The following ZPBP2 variants were observed in gnomAD, a reference collection of about 807,000 sequenced individuals.
The protein encoded by ZPBP2 is zona pellucida binding protein 2.
ZPBP2 carries 34 observed loss-of-function variants against 37.5 expected under a neutral mutation model. The observed-to-expected ratio is 0.91, with a 90% confidence interval of 0.69 to 1.21. The LOEUF (loss-of-function observed/expected upper bound fraction) is 1.21. Among genes scored for constraint, ZPBP2 ranks in the 50% most tolerant of loss-of-function variants. The pLI, the probability that ZPBP2 is intolerant of heterozygous loss-of-function variation, is 0.00. For missense variants in ZPBP2, 397 were observed against 413.5 expected, an observed-to-expected ratio of 0.96 and a Z score of 0.35; for synonymous variants, 143 against 138.4, an observed-to-expected ratio of 1.03 and a Z score of -0.23.
intron 2 of ZPBP2, among the ~76,000 whole-genome samples, chr17:39,869,179 G>A (rs919034596): frequency 7.2e-5 from 11 of 152,114 alleles, no homozygotes; most frequent in Non-Finnish European, 1.5e-4. Flanking sequence ...TATGAGCCTG[G>A]CATTCAGTAG....
chr17:39,870,043 C>CT (rs1360651399), intron 2 of ZPBP2, among the ~76,000 whole-genome samples: 1 of 151,476 alleles, frequency 6.6e-6, no homozygotes, highest in Non-Finnish European at 1.5e-5. Context: ...ATGCTGAAGT[C>CT]TTTTTCTGAA....
Position 39,873,124 on chromosome 17 carries a change from C to T in ZPBP2, c.706C>T (p.Gln236Ter), listed in dbSNP as rs934646237. 1 of 1,605,330 alleles carries T rather than the reference C, an allele frequency of 6.2e-7. No individual in the cohort carries two copies. The highest frequency in any genetic ancestry group is 8.5e-7 in the Non-Finnish European group (1 of 1,176,838). ...CEDTTNHNIL[Q>*]ARDRIEDFFR... ...AGATACCACTAATCATAATATCCTC[C>T]AGGTGAGAATTTCATGGTAAGGAAG... Residue 236 changes from glutamine to a stop codon, truncating the protein, a stop_gained and splice_region_variant, in exon 6 of 8, where the codon CAG becomes TAG. Transcript: ENST00000348931. LOFTEE classifies it high-confidence loss of function.
chr17:39,870,690 A>G lies in ZPBP2; in HGVS notation c.119-4A>G, dbSNP rs781048170. On this transcript the variant is annotated splice_region_variant and splice_polypyrimidine_tract_variant and intron_variant, in intron 2 of 7. Coordinates refer to ENST00000348931, the MANE Select transcript of ZPBP2 (RefSeq NM_199321.3). ...TAGTTATACATTATTTTATTTCATC[A>G]CAGACAAAATATATGTAGAGTTACA... is the stretch of plus-strand genomic sequence containing the variant. 7.2e-7 allele frequency: 1 copy of G among 1,391,230 alleles called. No individual in the cohort carries two copies. The highest frequency in any genetic ancestry group is 1.7e-5 in the South Asian group (1 of 59,738). 86.2% of individuals were successfully genotyped at this position (1,391,230 alleles called of 1,614,324 possible).
At chr17:39,870,055 T>C (rs1274104713) in intron 2 of ZPBP2, among the ~76,000 whole-genome samples, 1 of 151,706 alleles carries the variant, frequency 6.6e-6, no homozygotes, top group African/African-American at 2.4e-5. Context: ...TTTTCTGAAC[T>C]TTCTTTGAGA....
intron 7 of ZPBP2, 49 bp downstream of exon 7, chr17:39,875,483 G>C: frequency 7.5e-7 from 1 of 1,340,938 alleles, no homozygotes; most frequent in Non-Finnish European, 9.9e-7. Flanking sequence ...AGAGTCAGAA[G>C]AATATATAAG....
At chr17:39,875,478 CAGA>C in intron 7 of ZPBP2, 44 bp downstream of exon 7, 1 of 1,403,608 alleles carries the variant, frequency 7.1e-7, no homozygotes, top group Non-Finnish European at 9.5e-7. Context: ...GTTATAGAGT[CAGA>C]AGAATATATA....
intron 6 of ZPBP2, among the ~76,000 whole-genome samples, chr17:39,874,292 C>CTAATCTTAATTTTAATTTTTATTT: frequency 6.6e-6 from 1 of 151,886 alleles, no homozygotes; most frequent in Middle Eastern, 3.4e-3. Flanking sequence ...CACGCCCAGC[C>CTAATCTTAATTTTAATTTTTATTT]AAGAAAAGTC....
intron 2 of ZPBP2, among the ~76,000 whole-genome samples, chr17:39,870,143 A>G (rs2144639789): frequency 6.6e-6 from 1 of 152,272 alleles, no homozygotes. Context: ...TCCCGGGTTC[A>G]AGCAAGTCTC....
At chr17:39,870,380 A>G (rs1162274209) in intron 2 of ZPBP2, among the ~76,000 whole-genome samples, 1 of 152,154 alleles carries the variant, frequency 6.6e-6, no homozygotes, top group African/African-American at 2.4e-5. Context: ...CAACCCTCCA[A>G]AAAATTATGA....
chr17:39,873,974 G>C (rs891549045), intron 6 of ZPBP2, among the ~76,000 whole-genome samples: 29 of 143,426 alleles, frequency 2.0e-4, no homozygotes, highest in South Asian at 6.7e-4. Flanking sequence ...GCTGATTAAA[G>C]AAAAGTCTTT....
At chr17:39,875,160 C>T (rs968715749) in intron 6 of ZPBP2, 94 bp from the exon 7 acceptor site, 3 of 1,130,106 alleles carry the variant, frequency 2.7e-6, no homozygotes, top group African/African-American at 1.6e-5. Context: ...TTAAGTATGG[C>T]ATGCTTACAG....
intron 2 of ZPBP2, 87 bp from the exon 3 acceptor site, chr17:39,870,607 G>T: frequency 2.7e-6 from 2 of 730,172 alleles, no homozygotes; most frequent in South Asian, 5.0e-5. Context: ...GAACTAATTC[G>T]TGTCTTCAGC....
In ZPBP2 at chr17:39,875,122, C is replaced by T. The variant is rs75574861; in HGVS notation, c.709-132C>T. On this transcript the variant is annotated intron_variant, in intron 6 of 7. Transcript: ENST00000348931. ...CAAAGCTAACTAATTTTGGTGTTAA[C>T]ACACACCTTTTCAGGAATTTATCTA... 805 of 789,176 alleles carry T rather than the reference C, an allele frequency of 1.0e-3. 6 individuals carry two copies. The African/African-American group carries it at 0.013, about 12-fold the overall frequency. 48.9% of individuals were successfully genotyped at this position (789,176 alleles called of 1,614,324 possible). A position where few individuals can be genotyped will look rare whatever the true frequency, so the allele number is the denominator to read the frequency against.
At chr17:39,873,421 A>T (rs1168123142) in intron 6 of ZPBP2, among the ~76,000 whole-genome samples, 1 of 152,216 alleles carries the variant, frequency 6.6e-6, no homozygotes, top group East Asian at 1.9e-4. Flanking sequence ...ATTATTTTTT[A>T]AAAAACGAAT....
chr17:39,868,818 A>G (rs924655270), intron 2 of ZPBP2, among the ~76,000 whole-genome samples: 3 of 152,224 alleles, frequency 2.0e-5, no homozygotes, highest in South Asian at 4.2e-4. Flanking sequence ...TTAAAGCCTT[A>G]CAGCTCACAA....
chr17:39,868,569 T>G lies in ZPBP2; in HGVS notation c.73T>G (p.Leu25Val). The G allele has an allele frequency of 6.2e-7, 1 of 1,614,196 alleles. No individual in the cohort carries two copies. Among genetic ancestry groups the G allele is most frequent in the African/African-American group, 1.3e-5 (1 of 75,040 alleles). ...LTGVQCPRFTLFNKKGFIYGK... is the reference protein window; with the variant it reads ...LTGVQCPRFTVFNKKGFIYGK... ...CGCAGTCCAATGCCCGCGTTTTACC[T>G]TATTCAATAAGAAGGGCTTCATTTA... The change falls in exon 2 of 8, where the codon TTA (leucine) becomes GTA (valine). Residue 25 changes from leucine to valine, a missense_variant. By Grantham distance (32) the Leu-to-Val change is conservative. Transcript: ENST00000348931.
intron 7 of ZPBP2, among the ~76,000 whole-genome samples, chr17:39,875,890 T>C (rs1335635837): frequency 4.0e-5 from 4 of 100,990 alleles, no homozygotes; most frequent in East Asian, 2.5e-4. Flanking sequence ...CCCCTTTTTT[T>C]TTTTTTTTTT....
At chr17:39,870,197 C>T (rs763212424) in intron 2 of ZPBP2, among the ~76,000 whole-genome samples, 2 of 152,090 alleles carry the variant, frequency 1.3e-5, no homozygotes, top group Non-Finnish European at 2.9e-5. Flanking sequence ...GCCCACATTA[C>T]CACGCCAAGC....
At chr17:39,869,343 T>C (rs998682616) in intron 2 of ZPBP2, among the ~76,000 whole-genome samples, 2 of 151,796 alleles carry the variant, frequency 1.3e-5, no homozygotes, top group Non-Finnish European at 2.9e-5. Flanking sequence ...CAGTTAAACA[T>C]CAGGTTTCCC....
Sources: gnomAD v4.1 joint callset for allele counts (sites outside exome capture counted in the v4.1 genomes callset) on GRCh38, gnomAD v4.1.1 for gene constraint, MANE v1.5 for transcripts, NCBI Gene and HGNC (gene_info 2026-07-23, HGNC 2026-07-21) for gene names.